Variants in GALNT13 observed in about 807,000 individuals in gnomAD.
GALNT13 encodes UDP-GalNAc:polypeptide N-acetylgalactosaminyltransferase 13.
GALNT13 carries 28 observed loss-of-function variants against 64.2 expected under a neutral mutation model. The ratio of observed to expected loss-of-function variants is 0.44; its 90% CI spans 0.32 to 0.60. The LOEUF is 0.60. Ranked by LOEUF, GALNT13 falls within the 20% of genes least tolerant of loss-of-function variation. GALNT13 has a pLI of 0.05. For synonymous variants in GALNT13, 214 were observed against 224.6 expected, an observed-to-expected ratio of 0.95 and a Z score of 0.42; for missense variants, 577 against 669.8, an observed-to-expected ratio of 0.86 and a Z score of 1.53.
chr2:153,350,384 C>CTT, the GALNT13 span, among the ~76,000 whole-genome samples: 2,366 of 129,892 alleles, frequency 0.018, 105 homozygotes, highest in African/African-American at 0.064. Context: ...TTCTTTCTTT[C>CTT]TTTTTTTTTT....
the GALNT13 span, among the ~76,000 whole-genome samples, chr2:153,219,588 T>C: frequency 6.6e-6 from 1 of 152,238 alleles, no homozygotes; most frequent in African/African-American, 2.4e-5. Flanking sequence ...TCAGACTGTG[T>C]TGATATTTGG....
chr2:154,273,434 G>A (rs964063984), intron 8 of GALNT13, among the ~76,000 whole-genome samples: 7 of 152,156 alleles, frequency 4.6e-5, no homozygotes, highest in Non-Finnish European at 7.4e-5. Flanking sequence ...AATTGGGAGG[G>A]TTAGGAGAGA....
In GALNT13 at chr2:154,140,411, A is replaced by G; in HGVS notation, c.217A>G (p.Lys73Glu). ...GTTGATTCCTAAAGATGACCAGGAG[A>G]AAATGAAAGAGCTGTTTAAAATCAA... ...AVLIPKDDQE[K>E]MKELFKINQF... is the part of the protein sequence containing the mutation. The change falls in exon 4 of 13, where the codon AAA becomes GAA. Residue 73 changes from lysine (K) to glutamate (E), a missense_variant. This residue lies in a region of GALNT13 where 341 missense variants were observed against 379.3 expected (regional missense o/e 0.90). Coordinates refer to ENST00000392825, the MANE Select transcript of GALNT13 (RefSeq NM_052917.4). 6.2e-7 allele frequency: 1 copy of G among 1,612,824 alleles called. No homozygotes were observed.
the GALNT13 span, among the ~76,000 whole-genome samples, chr2:153,789,096 G>A: frequency 6.6e-6 from 1 of 152,064 alleles, no homozygotes; most frequent in Non-Finnish European, 1.5e-5. Context: ...TGGACCAAAT[G>A]GATATGATAG....
the GALNT13 span, among the ~76,000 whole-genome samples, chr2:153,116,828 C>T: frequency 1.9e-5 from 2 of 104,714 alleles, no homozygotes; most frequent in Admixed American, 1.5e-4. Context: ...GAGATGGAGT[C>T]TCACTCTGTC....
intron 2 of GALNT13, among the ~76,000 whole-genome samples, chr2:153,939,216 A>T (rs966099130): frequency 2.0e-5 from 3 of 152,086 alleles, no homozygotes; most frequent in Admixed American, 1.3e-4. Context: ...AGGAAGGAAG[A>T]TCTGAAGGAA....
chr2:153,903,488 A>G (rs575258254), intron 2 of GALNT13, among the ~76,000 whole-genome samples: 1 of 152,044 alleles, frequency 6.6e-6, no homozygotes, highest in East Asian at 1.9e-4. Context: ...GCTTAAGACC[A>G]TGGTCTCCAG....
At chr2:153,624,432 G>T in the GALNT13 span, among the ~76,000 whole-genome samples, 20 of 152,182 alleles carry the variant, frequency 1.3e-4, no homozygotes, top group South Asian at 3.9e-3. Flanking sequence ...AAACAAATGT[G>T]ACATATGTCA....
At chr2:153,999,911 T>C (rs1400128442) in intron 3 of GALNT13, among the ~76,000 whole-genome samples, 1 of 152,022 alleles carries the variant, frequency 6.6e-6, no homozygotes, top group East Asian at 1.9e-4. Flanking sequence ...TTTTTTTAAA[T>C]GTTTGTTAGA....
the GALNT13 span, among the ~76,000 whole-genome samples, chr2:153,644,388 A>C: frequency 1.3e-5 from 2 of 152,074 alleles, no homozygotes; most frequent in South Asian, 2.1e-4. Context: ...ATTCAATTTG[A>C]TTTTGTTGAA....
At chr2:153,967,210 C>T (rs1393103702) in intron 3 of GALNT13, among the ~76,000 whole-genome samples, 1 of 152,156 alleles carries the variant, frequency 6.6e-6, no homozygotes. Flanking sequence ...ATGTCTTTGC[C>T]AATCAAGGAT....
the GALNT13 span, among the ~76,000 whole-genome samples, chr2:153,688,352 G>A: frequency 6.6e-6 from 1 of 151,858 alleles, no homozygotes; most frequent in Non-Finnish European, 1.5e-5. Flanking sequence ...AGCTTCAGAG[G>A]CTATTATGTT....
At chr2:153,137,780 A>G in the GALNT13 span, among the ~76,000 whole-genome samples, 3 of 151,948 alleles carry the variant, frequency 2.0e-5, no homozygotes, top group African/African-American at 4.8e-5. Context: ...TTCTAGGGTA[A>G]CCAACCATCT....
intron 3 of GALNT13, among the ~76,000 whole-genome samples, chr2:154,118,341 GCTGT>G (rs1217423142): frequency 1.4e-5 from 2 of 141,334 alleles, no homozygotes; most frequent in Non-Finnish European, 3.0e-5. Flanking sequence ...GTATAACTAT[GCTGT>G]CTATCTTTTG....
chr2:153,538,326 C>CTTTTTTTTTTTTTTTTTTTTTTT, the GALNT13 span, among the ~76,000 whole-genome samples: 8 of 100,844 alleles, frequency 7.9e-5, no homozygotes, highest in Non-Finnish European at 1.3e-4. Context: ...TTTTTTAATT[C>CTTTTTTTTTTTTTTTTTTTTTTT]TTTTTTTTTT....
chr2:153,462,854 T>C, the GALNT13 span, among the ~76,000 whole-genome samples: 3 of 152,136 alleles, frequency 2.0e-5, no homozygotes, highest in Non-Finnish European at 4.4e-5. Flanking sequence ...GCCAGAATAC[T>C]GTTGCATGAA....
At chr2:153,699,157 G>C in the GALNT13 span, among the ~76,000 whole-genome samples, 2 of 152,004 alleles carry the variant, frequency 1.3e-5, no homozygotes, top group Non-Finnish European at 2.9e-5. Flanking sequence ...GGAGGTAGAG[G>C]TTGCAAAAAA....
the GALNT13 span, chr2:153,423,287 G>A: frequency 6.6e-6 from 1 of 151,772 alleles, no homozygotes; most frequent in African/African-American, 2.4e-5. Flanking sequence ...TTCAATACAT[G>A]CAGGAAAATC....
the GALNT13 span, among the ~76,000 whole-genome samples, chr2:153,864,338 A>C: frequency 6.6e-6 from 1 of 152,304 alleles, no homozygotes; most frequent in South Asian, 2.1e-4. Flanking sequence ...GGGGGAAGGA[A>C]AGATCAAAAA....
Sources: allele counts gnomAD v4.1 joint callset (sites outside exome capture counted in the v4.1 genomes callset), GRCh38; gene constraint gnomAD v4.1.1; regional missense constraint gnomAD v4.1.1; transcripts MANE v1.5; gene names NCBI Gene and HGNC (gene_info 2026-07-23, HGNC 2026-07-21).